The following GCC2 variants were observed in gnomAD, a reference collection of about 807,000 sequenced individuals.
GCC2 encodes GRIP and coiled-coil domain containing 2, also known as GRIP and coiled-coil domain-containing protein 2.
Under a neutral mutation model 210.6 loss-of-function variants are expected in GCC2, and 120 were observed. The ratio of observed to expected loss-of-function variants is 0.57; its 90% CI spans 0.49 to 0.66. The LOEUF is 0.66. Among genes scored for constraint, GCC2 ranks in the 30% least tolerant of loss-of-function variants. The probability of loss-of-function intolerance (pLI) is 0.00; values close to 1 mark genes in which losing one functional copy is unlikely to be tolerated. For missense variants in GCC2, 1,868 were observed against 1,871.9 expected (o/e 1.00, Z 0.04); for synonymous variants, 703 against 652.7 (o/e 1.08, Z -1.17).
At chr2:108,451,450 TAGAGAC>T (rs1373851700) in intron 3 of GCC2, among the ~76,000 whole-genome samples, 2 of 152,200 alleles carry the variant, frequency 1.3e-5, no homozygotes, top group African/African-American at 2.4e-5. Flanking sequence ...GTTGAAATGT[TAGAGAC>T]AGAAGATAAG....
At chr2:108,491,136 A>G (rs1682384586) in intron 18 of GCC2, among the ~76,000 whole-genome samples, 1 of 152,218 alleles carries the variant, frequency 6.6e-6, no homozygotes, top group Non-Finnish European at 1.5e-5. Context: ...GGAATGTGAT[A>G]ATTAGGCTAA....
In GCC2 at chr2:108,481,777, T is replaced by A. The variant is rs1558748773; in HGVS notation, c.3141T>A (p.Ile1047=). The change falls in exon 10 of 23, where the codon ATT becomes ATA. Residue 1047 remains isoleucine (I), a synonymous_variant. Transcript: ENST00000309863. The part of the protein sequence containing the change: ...KERANNFEHR[I]EDLTRQLRNS... ...GTGCTAATAATTTTGAGCATCGTATTGAAGACCTTACAAGACAATTAAGAA... is the reference window on the plus strand; with the variant it reads ...GTGCTAATAATTTTGAGCATCGTATAGAAGACCTTACAAGACAATTAAGAA... 1 of 1,601,764 alleles carries A rather than the reference T, an allele frequency of 6.2e-7. No homozygotes were observed. Among genetic ancestry groups the A allele is most frequent in the Non-Finnish European group, 8.5e-7 (1 of 1,173,710 alleles).
At chr2:108,479,640 CA>C (rs1160666182) in intron 9 of GCC2, among the ~76,000 whole-genome samples, 4 of 150,366 alleles carry the variant, frequency 2.7e-5, no homozygotes, top group Non-Finnish European at 4.4e-5. Flanking sequence ...GACCCTGTCT[CA>C]AAAAAAAGAT....
rs1681233163 is a variant in GCC2 at position 108,471,748 on chromosome 2, A to G, written c.2419A>G (p.Lys807Glu). The G allele has an allele frequency of 5.0e-6, 8 of 1,613,262 alleles. No individual in the cohort carries two copies. The highest frequency in any genetic ancestry group is 6.8e-6 in the Non-Finnish European group (8 of 1,179,658). ...KCNLAFQRDE[K>E]VLELEKEIKC... is the part of the protein sequence containing the mutation. Reference sequence around the variant, plus strand: ...CAACCTGGCTTTTCAGCGTGATGAAAAAGTATTAGAGTTAGAAAAAGAGAT... The same window carrying G: ...CAACCTGGCTTTTCAGCGTGATGAAGAAGTATTAGAGTTAGAAAAAGAGAT... The change falls in exon 6 of 23, where the codon AAA (lysine) becomes GAA (glutamate). Residue 807 changes from lysine to glutamate, a missense_variant. Lys to Glu is a moderately conservative substitution (Grantham distance 56). Transcript: ENST00000309863.
chr2:108,477,376 T>TA (rs35346252), intron 9 of GCC2, among the ~76,000 whole-genome samples: 3 of 152,148 alleles, frequency 2.0e-5, no homozygotes, highest in Non-Finnish European at 2.9e-5. Flanking sequence ...CCAAGTATAT[T>TA]AGCATCAACA....
Position 108,481,812 on chromosome 2 carries a change from T to C in GCC2, c.3176T>C (p.Leu1059Ser). The change falls in exon 10 of 23, where the codon TTG becomes TCG. Residue 1059 changes from leucine (L) to serine (S), a missense_variant. Coordinates refer to ENST00000309863, the MANE Select transcript of GCC2 (RefSeq NM_181453.4). ...DLTRQLRNST[L>S]QCETINSDNE... The stretch of plus-strand genomic sequence containing the variant: ...ACAAGACAATTAAGAAATTCGACTT[T>C]GCAGGTAATTTTTTAATAAATCCAA... 2 of 1,556,018 alleles carry C rather than the reference T, an allele frequency of 1.3e-6. No individual in the cohort carries two copies. Among genetic ancestry groups the C allele is most frequent in the Non-Finnish European group, 1.7e-6 (2 of 1,154,996 alleles).
chr2:108,505,368 A>G (rs565850585), intron 22 of GCC2, among the ~76,000 whole-genome samples: 2 of 152,300 alleles, frequency 1.3e-5, no homozygotes, highest in South Asian at 2.1e-4. Context: ...AGTTCTTCAG[A>G]TTGTGGAAGA....
At chr2:108,482,192 A>G (rs535779765) in intron 10 of GCC2, 95 bp from the exon 11 acceptor site, 25 of 717,270 alleles carry the variant, frequency 3.5e-5, no homozygotes, top group South Asian at 2.8e-4. Context: ...CATTTGTCAC[A>G]CTATGCCAAT....
At chr2:108,506,356 G>A (rs936749592) in intron 22 of GCC2, among the ~76,000 whole-genome samples, 1 of 152,216 alleles carries the variant, frequency 6.6e-6, no homozygotes, top group African/African-American at 2.4e-5. Flanking sequence ...GTTGACAGAG[G>A]TCAGACTCAA....
chr2:108,499,253 T>C (rs3872548), intron 21 of GCC2, among the ~76,000 whole-genome samples: 29 of 152,230 alleles, frequency 1.9e-4, no homozygotes, highest in South Asian at 6.2e-4. Flanking sequence ...ACAGTGGAGT[T>C]ATATAGCCCA....
chr2:108,449,618 G>T lies in GCC2; in HGVS notation c.7-15G>T. On this transcript the variant is annotated splice_polypyrimidine_tract_variant and intron_variant, in intron 1 of 22. Transcript: ENST00000309863. The stretch of plus-strand genomic sequence containing the variant: ...AAGAGTTCTTCTGACACCTGGGTTT[G>T]ATTTTGTTTTGCAGGATCTTGTTCA... 2 of 1,612,508 alleles carry T rather than the reference G, an allele frequency of 1.2e-6. No individual in the cohort carries two copies. Among genetic ancestry groups the T allele is most frequent in the South Asian group, 1.1e-5 (1 of 91,022 alleles).
At chr2:108,498,852 G>A (rs1291882549) in intron 21 of GCC2, among the ~76,000 whole-genome samples, 2 of 151,538 alleles carry the variant, frequency 1.3e-5, no homozygotes, top group South Asian at 2.1e-4. Flanking sequence ...GGGGGTTAGT[G>A]GAGGCTGCCG....
At chr2:108,489,298 C>G (rs1012960084) in intron 17 of GCC2, among the ~76,000 whole-genome samples, 5 of 152,166 alleles carry the variant, frequency 3.3e-5, no homozygotes, top group Non-Finnish European at 7.4e-5. Context: ...GGCGGATCAC[C>G]TGAGGTCAGG....
chr2:108,479,980 CAAAAAAAAAAAAAAAAA>C (rs200934785), intron 9 of GCC2, among the ~76,000 whole-genome samples: 51,961 of 114,740 alleles, frequency 0.45, 11,344 homozygotes, highest in East Asian at 0.89. Flanking sequence ...GACTCCATCT[CAAAAAAAAAAAAAAAAA>C]AAAAAAAAAA....
chr2:108,470,666 C>T lies in GCC2; in HGVS notation c.1337C>T (p.Ser446Leu). 1.2e-6 allele frequency: 2 copies of T among 1,611,036 alleles called. No homozygotes were observed. Among genetic ancestry groups the T allele is most frequent in the Non-Finnish European group, 1.7e-6 (2 of 1,178,456 alleles). Residue 446 changes from serine (S) to leucine (L), a missense_variant, in exon 6 of 23, where the codon TCA (serine) becomes TTA (leucine). This residue lies in a region of GCC2 where 1,847 missense variants were observed against 1,765.2 expected (regional missense o/e 1.05). Coordinates refer to ENST00000309863, the MANE Select transcript of GCC2 (RefSeq NM_181453.4). ...TCAGAACTAAATGAGACATTTTTGT[C>T]AGATTCAGAAAAAGAAAAATTAACA... The part of the protein sequence containing the change: ...EISELNETFL[S>L]DSEKEKLTLM...
intron 20 of GCC2, 41 bp from the exon 21 acceptor site, chr2:108,496,929 G>A: frequency 3.1e-6 from 5 of 1,610,684 alleles, no homozygotes; most frequent in Non-Finnish European, 4.2e-6. Context: ...CATCTTTAAT[G>A]TATGATTTTG....
At chr2:108,482,786 C>T (rs1306582107) in intron 11 of GCC2, among the ~76,000 whole-genome samples, 1 of 152,086 alleles carries the variant, frequency 6.6e-6, no homozygotes, top group Non-Finnish European at 1.5e-5. Context: ...ATGCCATTCT[C>T]CTGCCTCAGC....
chr2:108,492,812 T>C, intron 19 of GCC2, 22 bp downstream of exon 19: 1 of 1,492,076 alleles, frequency 6.7e-7, no homozygotes, highest in Middle Eastern at 1.7e-4. Flanking sequence ...CACATGGAAA[T>C]ATTAGTTGTT....
intron 9 of GCC2, among the ~76,000 whole-genome samples, chr2:108,480,756 G>A (rs1301849141): frequency 1.1e-5 from 1 of 93,916 alleles, no homozygotes; most frequent in Non-Finnish European, 2.3e-5. Context: ...AACAGAAGGT[G>A]GAGGGGTAGG....
Sources: gnomAD v4.1 joint callset for allele counts (sites outside exome capture counted in the v4.1 genomes callset) on GRCh38, gnomAD v4.1.1 for gene constraint, gnomAD v4.1.1 regional missense constraint, MANE v1.5 for transcripts, NCBI Gene and HGNC (gene_info 2026-07-23, HGNC 2026-07-21) for gene names.